The following RLBP1 variants were observed in gnomAD, a reference collection of about 807,000 sequenced individuals.
The protein encoded by RLBP1 is retinaldehyde-binding protein 1.
RLBP1 carries 26 observed loss-of-function variants against 36.2 expected under a neutral mutation model. The ratio of observed to expected loss-of-function variants is 0.72; its 90% CI spans 0.53 to 1.00. RLBP1 has a LOEUF of 1.00. Among genes scored for constraint, RLBP1 ranks in the 50% least tolerant of loss-of-function variants. The pLI, the probability that RLBP1 is intolerant of heterozygous loss-of-function variation, is 0.00. For missense variants in RLBP1, 410 were observed against 402.4 expected (o/e 1.02, Z -0.16); for synonymous variants, 155 against 156.2 (o/e 0.99, Z 0.06).
intron 6 of RLBP1, among the ~76,000 whole-genome samples, chr15:89,213,502 A>G (rs894589065): frequency 1.3e-5 from 2 of 152,240 alleles, no homozygotes; most frequent in Non-Finnish European, 2.9e-5. Context: ...ATAATGGAAG[A>G]AAGAGCCCCA....
Position 89,210,430 on chromosome 15 carries a change from C to A in RLBP1, c.809G>T (p.Gly270Val). Residue 270 changes from glycine (G) to valine (V), a missense_variant, in exon 9 of 9, where the codon GGG (glycine) becomes GTG (valine). Physicochemically the swap from Gly to Val is moderately radical, Grantham distance 109 (BLOSUM62 -3). Coordinates refer to ENST00000268125, the MANE Select transcript of RLBP1 (RefSeq NM_000326.5). The surrounding 1 kb of genome is among the most constrained non-coding windows in gnomAD (Gnocchi z 4.7). Reference sequence around the variant, plus strand: ...CTGGTAGAAACCAGAAAGGTCATCCCCGTGGACAAAGACCTGCAGGGAAGC... The same window carrying A: ...CTGGTAGAAACCAGAAAGGTCATCCACGTGGACAAAGACCTGCAGGGAAGC... Reference protein sequence around the residue: ...SKLLERVFVHGDDLSGFYQEI... With the variant: ...SKLLERVFVHVDDLSGFYQEI... 1 of 1,614,200 alleles carries A rather than the reference C, an allele frequency of 6.2e-7. No individual in the cohort carries two copies. The highest frequency in any genetic ancestry group is 8.5e-7 in the Non-Finnish European group (1 of 1,180,038).
At chr15:89,221,165 G>T (rs147096781) in intron 1 of RLBP1, among the ~76,000 whole-genome samples, 1 of 152,124 alleles carries the variant, frequency 6.6e-6, no homozygotes, top group East Asian at 1.9e-4. Context: ...CCACCAGCAC[G>T]CCTGGCTAAT....
chr15:89,212,039 T>A (rs1233247468), intron 6 of RLBP1, 138 bp from the exon 7 acceptor site: 1 of 871,114 alleles, frequency 1.1e-6, no homozygotes, highest in Non-Finnish European at 1.9e-6. Flanking sequence ...ATTCCACTTC[T>A]GTGAATGTAT....
chr15:89,212,018 T>C lies in RLBP1; in HGVS notation c.526-117A>G, dbSNP rs575908142. The C allele has an allele frequency of 1.3e-3, 1,345 of 1,059,184 alleles. 29 individuals carry two copies. In the South Asian group the frequency reaches 0.017, roughly 13 times the overall value. The allele number at this position is 1,059,184 out of a possible 1,614,324, so 65.6% of individuals were successfully genotyped here. ...CACTGGGGTAATTTGCTGCAGGCTT[T>C]GATCTCGGACATTCCACTTCTGTGA... On this transcript the variant is annotated intron_variant, in intron 6 of 8. Coordinates refer to ENST00000268125, the MANE Select transcript of RLBP1 (RefSeq NM_000326.5).
chr15:89,220,501 T>C (rs961751359), intron 1 of RLBP1, among the ~76,000 whole-genome samples: 9 of 152,158 alleles, frequency 5.9e-5, no homozygotes, highest in African/African-American at 1.4e-4. Flanking sequence ...AGGACCCCCA[T>C]AGAGTATCGG....
chr15:89,212,625 C>CGT (rs138615112), intron 6 of RLBP1, among the ~76,000 whole-genome samples: 53,149 of 143,178 alleles, frequency 0.37, 10,083 homozygotes, highest in East Asian at 0.63. Flanking sequence ...TGTGTGTGCG[C>CGT]GTGTGTGTGT....
chr15:89,216,270 G>T (rs910945614), intron 5 of RLBP1, among the ~76,000 whole-genome samples: 1 of 151,656 alleles, frequency 6.6e-6, no homozygotes, highest in Non-Finnish European at 1.5e-5. Flanking sequence ...CCCCATTTCC[G>T]TCCACCAGTG....
In RLBP1 at chr15:89,210,318, G is replaced by C. The variant is rs748829248; in HGVS notation, c.921C>G (p.Gly307=). Residue 307 remains glycine (G), a synonymous_variant, in exon 9 of 9, where the codon GGC becomes GGG. Coordinates refer to ENST00000268125, the MANE Select transcript of RLBP1 (RefSeq NM_000326.5). The surrounding 1 kb of genome is among the most constrained non-coding windows in gnomAD (Gnocchi z 4.7). ...CTGTGTTCTCAGCTTGGGCCTGGGGGCCAAAGAGCTGCTCAGCAACGGCCT... is the reference window on the plus strand; with the variant it reads ...CTGTGTTCTCAGCTTGGGCCTGGGGCCCAAAGAGCTGCTCAGCAACGGCCT... ...DGKAVAEQLF[G]PQAQAENTAF 6.2e-7 allele frequency: 1 copy of C among 1,614,210 alleles called. No individual in the cohort carries two copies. The highest frequency in any genetic ancestry group is 1.1e-5 in the South Asian group (1 of 91,082).
intron 6 of RLBP1, among the ~76,000 whole-genome samples, chr15:89,212,599 A>G (rs907654449): frequency 5.6e-5 from 8 of 141,964 alleles, no homozygotes; most frequent in East Asian, 2.3e-4. Context: ...AAAAAAAAAA[A>G]AAAGAAAAAT....
chr15:89,219,127 A>G (rs2051607239), intron 2 of RLBP1, 52 bp from the exon 3 acceptor site: 1 of 887,916 alleles, frequency 1.1e-6, no homozygotes, highest in South Asian at 1.4e-5. Context: ...TGTGGATCTC[A>G]AACTTTCAAT....
At chr15:89,213,906 G>C (rs1433795301) in intron 6 of RLBP1, among the ~76,000 whole-genome samples, 1 of 152,084 alleles carries the variant, frequency 6.6e-6, no homozygotes, top group East Asian at 1.9e-4. Context: ...TGCAAAAGTA[G>C]CTAGAAAAGC....
rs2051524721 is a variant in RLBP1, at chr15:89,210,190, A to AG, written c.*94dup. The AG allele has an allele frequency of 6.9e-7, 1 of 1,448,088 alleles. No individual in the cohort carries two copies. Among genetic ancestry groups the AG allele is most frequent in the Non-Finnish European group, 9.6e-7 (1 of 1,039,120 alleles). The allele number at this position is 1,448,088 out of a possible 1,614,324, so 89.7% of individuals were successfully genotyped here. On this transcript the variant is annotated 3_prime_UTR_variant, in exon 9 of 9. Transcript: ENST00000268125. This position sits in a 1 kb window ranked among gnomAD's most constrained non-coding sequence, Gnocchi z 4.7. Reference sequence around the variant, plus strand: ...CTTAGGGAGTCTAAGGGGGGACCACAGTCATCTCAAGCAGCCCTTTCCTAG... The same window carrying AG: ...CTTAGGGAGTCTAAGGGGGGACCACAGGTCATCTCAAGCAGCCCTTTCCTAG...
In RLBP1 at chr15:89,210,160, T is replaced by C. The variant is rs1478858291; in HGVS notation, c.*125A>G. ...AGAACAGGGTGACACCTGAGCTCAC[T>C]CGGGCTTAGGGAGTCTAAGGGGGGA... On this transcript the variant is annotated 3_prime_UTR_variant, in exon 9 of 9. Coordinates refer to ENST00000268125, the MANE Select transcript of RLBP1 (RefSeq NM_000326.5). This position sits in a 1 kb window ranked among gnomAD's most constrained non-coding sequence, Gnocchi z 4.7. The C allele has an allele frequency of 5.4e-6, 6 of 1,109,990 alleles. No homozygotes were observed. The African/African-American group carries it at 7.6e-5, about 14-fold the overall frequency. The allele number at this position is 1,109,990 out of a possible 1,614,324, so 68.8% of individuals were successfully genotyped here.
rs377068998 is a variant in RLBP1, at chr15:89,218,724, C to G, written c.13-31G>C. 1.2e-6 allele frequency: 2 copies of G among 1,612,584 alleles called. No individual in the cohort carries two copies. The highest frequency in any genetic ancestry group is 2.2e-5 in the South Asian group (2 of 91,048). On this transcript the variant is annotated intron_variant, in intron 3 of 8. Transcript: ENST00000268125. The surrounding 1 kb of genome is among the most constrained non-coding windows in gnomAD (Gnocchi z 4.6). ...CAGAGAAAGGAAAAAGAGGAACAGCCAACCGCATCAGCCTGAGCCAGCCAG... is the reference window on the plus strand; with the variant it reads ...CAGAGAAAGGAAAAAGAGGAACAGCGAACCGCATCAGCCTGAGCCAGCCAG...
intron 6 of RLBP1, 113 bp from the exon 7 acceptor site, chr15:89,212,014 G>A: frequency 1.8e-6 from 2 of 1,118,264 alleles, no homozygotes; most frequent in Non-Finnish European, 2.6e-6. Flanking sequence ...TTTGCTGCAG[G>A]CTTTGATCTC....
intron 6 of RLBP1, among the ~76,000 whole-genome samples, chr15:89,212,746 TGA>T (rs2051549469): frequency 2.0e-5 from 3 of 151,544 alleles, no homozygotes; most frequent in African/African-American, 7.3e-5. Flanking sequence ...ATTTTTTTTT[TGA>T]GATGGAGTCT....
intron 4 of RLBP1, 120 bp from the exon 5 acceptor site, chr15:89,217,444 G>C (rs1046533161): frequency 1.0e-6 from 1 of 986,174 alleles, no homozygotes; most frequent in Non-Finnish European, 1.6e-6. Context: ...GTCTGCAGCC[G>C]CAGCTTTGCT....
chr15:89,210,252 T>C lies in RLBP1; in HGVS notation c.*33A>G. ...GGACAGTTGAGGAGAGGCCCAGAGA[T>C]TCTAACTACAGTTCAGCTGGCAGGA... On this transcript the variant is annotated 3_prime_UTR_variant, in exon 9 of 9. Transcript: ENST00000268125. This position sits in a 1 kb window ranked among gnomAD's most constrained non-coding sequence, Gnocchi z 4.7. 1 of 1,612,512 alleles carries C rather than the reference T, an allele frequency of 6.2e-7. No homozygotes were observed. Among genetic ancestry groups the C allele is most frequent in the Non-Finnish European group, 8.5e-7 (1 of 1,179,668 alleles).
rs551610989 is a variant in RLBP1 at position 89,215,300 on chromosome 15, C to T, written c.347-62G>A. 1.6e-4 allele frequency: 241 copies of T among 1,551,064 alleles called. No individual in the cohort carries two copies. In the African/African-American group the frequency reaches 3.0e-3, roughly 19 times the overall value. ...CCATCCCATCCCTACCCCATCCCTC[C>T]TAGTGGGACTCAGAGACCTGACCTC... On this transcript the variant is annotated intron_variant, in intron 5 of 8. Transcript: ENST00000268125.
Sources: gnomAD v4.1 joint callset for allele counts (sites outside exome capture counted in the v4.1 genomes callset) on GRCh38, gnomAD v4.1.1 for gene constraint, Gnocchi (gnomAD v3.1) non-coding constraint, MANE v1.5 for transcripts, NCBI Gene and HGNC (gene_info 2026-07-23, HGNC 2026-07-21) for gene names.